The following PTGES3 variants were observed in gnomAD, a reference collection of about 807,000 sequenced individuals.
PTGES3 encodes the protein Hsp90 co-chaperone.
PTGES3 carries 5 observed loss-of-function variants against 29.9 expected under a neutral mutation model. That is an observed-to-expected ratio of 0.17 (90% CI 0.09 to 0.35). The LOEUF is 0.35. PTGES3 is among the 10% of genes least tolerant of loss of function. The probability of loss-of-function intolerance (pLI) is 1.00; values close to 1 mark genes in which losing one functional copy is unlikely to be tolerated. For missense variants in PTGES3, 128 were observed against 190.0 expected, an observed-to-expected ratio of 0.67 and a Z score of 1.92; for synonymous variants, 49 against 57.8, an observed-to-expected ratio of 0.85 and a Z score of 0.69.
intron 1 of PTGES3, among the ~76,000 whole-genome samples, chr12:56,685,394 CTTTT>C (rs1176463565): frequency 5.2e-5 from 5 of 96,912 alleles, no homozygotes; most frequent in African/African-American, 1.9e-4. Context: ...AGCATTTTTT[CTTTT>C]CTTTTTTTTT....
intron 1 of PTGES3, among the ~76,000 whole-genome samples, chr12:56,682,996 GAA>G (rs530090070): frequency 1.6e-4 from 23 of 139,828 alleles, no homozygotes; most frequent in African/African-American, 5.2e-4. Context: ...TCCGCCTCAA[GAA>G]AAAAAAAAAA....
intron 4 of PTGES3, chr12:56,670,684 T>C (rs1197802255): frequency 8.8e-6 from 2 of 228,140 alleles, no homozygotes; most frequent in East Asian, 9.1e-5. Flanking sequence ...CGCAAGTATT[T>C]CTCCCACTTC....
Position 56,672,952 on chromosome 12 carries a change from C to G in PTGES3, c.116G>C (p.Ser39Thr). The part of the protein sequence containing the change: ...VNFEKSKLTF[S>T]CLGGSDNFKH... ...TCATTGGATAAAAAGCTTAACTTACCTGAATGTAAGTTTGGATTTTTCAAA... is the reference window on the plus strand; with the variant it reads ...TCATTGGATAAAAAGCTTAACTTACGTGAATGTAAGTTTGGATTTTTCAAA... Residue 39 changes from serine to threonine, a missense_variant and splice_region_variant, in exon 2 of 8, where the codon AGT (serine) becomes ACT (threonine). By Grantham distance (58) the Ser-to-Thr change is moderately conservative. Coordinates refer to ENST00000262033, the MANE Select transcript of PTGES3 (RefSeq NM_006601.7). 1 of 1,593,464 alleles carries G rather than the reference C, an allele frequency of 6.3e-7. No homozygotes were observed. The highest frequency in any genetic ancestry group is 8.5e-7 in the Non-Finnish European group (1 of 1,170,678).
chr12:56,669,402 G>C (rs2137603082), intron 5 of PTGES3, among the ~76,000 whole-genome samples: 1 of 152,154 alleles, frequency 6.6e-6, no homozygotes, highest in South Asian at 2.1e-4. Context: ...TCCTGCCTCA[G>C]CCTTCTGAGT....
At chr12:56,687,880 C>A (rs1952958664) in intron 1 of PTGES3, 118 bp downstream of exon 1, 1 of 1,573,980 alleles carries the variant, frequency 6.4e-7, no homozygotes, top group Non-Finnish European at 8.6e-7. Flanking sequence ...CTCCCGCCCC[C>A]AGGCAGGAAC....
intron 5 of PTGES3, among the ~76,000 whole-genome samples, chr12:56,667,981 A>G (rs1951851166): frequency 6.6e-6 from 1 of 152,124 alleles, no homozygotes; most frequent in Non-Finnish European, 1.5e-5. Context: ...GGTGGTGGGC[A>G]CCCGTAATCC....
At chr12:56,676,609 G>T (rs1461517156) in intron 1 of PTGES3, among the ~76,000 whole-genome samples, 1 of 152,036 alleles carries the variant, frequency 6.6e-6, no homozygotes, top group Non-Finnish European at 1.5e-5. Context: ...CTCAAAAGAC[G>T]GAATGTGGAA....
intron 1 of PTGES3, among the ~76,000 whole-genome samples, chr12:56,683,598 C>T (rs1411781507): frequency 3.3e-5 from 5 of 151,424 alleles, no homozygotes; most frequent in African/African-American, 1.2e-4. Flanking sequence ...TGCAGTGAGC[C>T]GAGATCGCAC....
chr12:56,687,457 G>C (rs541666720), intron 1 of PTGES3: 2 of 989,058 alleles, frequency 2.0e-6, no homozygotes, highest in East Asian at 1.1e-4. Flanking sequence ...GAAGTATGTT[G>C]CGGCGTGGGC....
intron 1 of PTGES3, among the ~76,000 whole-genome samples, chr12:56,683,478 A>C (rs1352139426): frequency 1.5e-5 from 2 of 133,520 alleles, no homozygotes; most frequent in African/African-American, 5.3e-5. Flanking sequence ...TGTCTCAAAA[A>C]AAAAAAAAAA....
intron 1 of PTGES3, among the ~76,000 whole-genome samples, chr12:56,685,782 T>G (rs1357795332): frequency 7.0e-6 from 1 of 142,188 alleles, no homozygotes; most frequent in East Asian, 2.0e-4. Flanking sequence ...TTTTTTTTTT[T>G]TTTTTTTTTT....
chr12:56,687,126 G>T, intron 1 of PTGES3: 1 of 809,728 alleles, frequency 1.2e-6, no homozygotes, highest in Non-Finnish European at 1.6e-6. Context: ...GTAAAATGAA[G>T]ACTGCCATAG....
At chr12:56,668,394 A>G (rs755480312) in intron 5 of PTGES3, among the ~76,000 whole-genome samples, 1 of 152,232 alleles carries the variant, frequency 6.6e-6, no homozygotes, top group African/African-American at 2.4e-5. Flanking sequence ...AGATAACAAC[A>G]AAAACTGGAC....
At chr12:56,670,401 T>C in intron 4 of PTGES3, 37 bp from the exon 5 acceptor site, 1 of 1,448,662 alleles carries the variant, frequency 6.9e-7, no homozygotes, top group East Asian at 2.3e-5. Flanking sequence ...AAGATTAGGC[T>C]AATTTGCATT....
rs1371413931 is a variant in PTGES3, at chr12:56,673,484, GGAAAAAAA to G, written c.3-427_3-420del. On this transcript the variant is annotated intron_variant, in intron 1 of 7. Coordinates refer to ENST00000262033, the MANE Select transcript of PTGES3 (RefSeq NM_006601.7). ...CCGACTCTACTACAAATACAAATAC[GGAAAAAAA>G]AAAAAAAAAAAAAAAAAAAAGCAGG... Among the ~76,000 whole-genome samples the G allele has an allele frequency of 2.4e-4, 9 of 36,846 alleles. 1 individual carries two copies. Among genetic ancestry groups the G allele is most frequent in the African/African-American group, 5.0e-4 (8 of 16,096 alleles). The allele number at this position is 36,846 out of a possible 152,430, so 24.2% of individuals were successfully genotyped here.
intron 1 of PTGES3, among the ~76,000 whole-genome samples, chr12:56,678,505 T>A (rs982347711): frequency 6.6e-6 from 1 of 152,178 alleles, no homozygotes; most frequent in Non-Finnish European, 1.5e-5. Flanking sequence ...AAAATGTGCA[T>A]TGCACATAGT....
chr12:56,664,597 T>C, intron 7 of PTGES3, 99 bp from the exon 8 acceptor site: 1 of 1,410,954 alleles, frequency 7.1e-7, no homozygotes. Flanking sequence ...AAATACATAG[T>C]TGCCCAATGA....
intron 1 of PTGES3, among the ~76,000 whole-genome samples, chr12:56,678,866 T>C (rs1952390936): frequency 6.6e-6 from 1 of 152,114 alleles, no homozygotes; most frequent in Non-Finnish European, 1.5e-5. Context: ...CCTGGAATCC[T>C]AGCACTTTAG....
chr12:56,677,864 C>T (rs1952331073), intron 1 of PTGES3, among the ~76,000 whole-genome samples: 1 of 152,134 alleles, frequency 6.6e-6, no homozygotes, highest in Admixed American at 6.6e-5. Context: ...TTTAAAATAT[C>T]CCAAGGTAGT....
Sources: gnomAD v4.1 joint callset for allele counts (sites outside exome capture counted in the v4.1 genomes callset) on GRCh38, gnomAD v4.1.1 for gene constraint, MANE v1.5 for transcripts, NCBI Gene and HGNC (gene_info 2026-07-23, HGNC 2026-07-21) for gene names.